The following RASAL2 variants were observed in gnomAD, a reference collection of about 807,000 sequenced individuals.
The protein encoded by RASAL2 is ras GTPase-activating protein nGAP.
A neutral mutation model predicts 128.9 loss-of-function variants in RASAL2; 58 were observed. The observed-to-expected ratio is 0.45, with a 90% confidence interval of 0.36 to 0.56. The LOEUF is 0.56. Ranked by LOEUF, RASAL2 falls within the 20% of genes least tolerant of loss-of-function variation. RASAL2 has a pLI of 0.00. For synonymous variants in RASAL2, 561 were observed against 580.8 expected (o/e 0.97, Z 0.49); for missense variants, 1,360 against 1,601.6 (o/e 0.85, Z 2.57).
chr1:178,397,487 A>G (rs1201992887), intron 4 of RASAL2, among the ~76,000 whole-genome samples: 1 of 152,242 alleles, frequency 6.6e-6, no homozygotes, highest in Non-Finnish European at 1.5e-5. Context: ...AGAAATGGGA[A>G]GTGACTGCTA....
In RASAL2 at chr1:178,349,883, T is replaced by C. The variant is rs529793549; in HGVS notation, c.458-40217T>C. On this transcript the variant is annotated intron_variant, in intron 3 of 17. Coordinates refer to ENST00000367649, the MANE Select transcript of RASAL2 (RefSeq NM_170692.4). The stretch of plus-strand genomic sequence containing the variant: ...CATTGTGAAATGTGAAAATATCCAA[T>C]ACAACAAATGGAAGACGCCTAATAA... Among the ~76,000 whole-genome samples, 6 of 152,290 alleles carry C rather than the reference T, an allele frequency of 3.9e-5. No homozygotes were observed. In the East Asian group the frequency reaches 9.6e-4, roughly 24 times the overall value.
At chr1:178,209,769 AATAT>A (rs1342178748) in intron 1 of RASAL2, among the ~76,000 whole-genome samples, 1 of 151,994 alleles carries the variant, frequency 6.6e-6, no homozygotes, top group African/African-American at 2.4e-5. Flanking sequence ...TTATCTGATT[AATAT>A]ATACAGATCA....
intron 1 of RASAL2, among the ~76,000 whole-genome samples, chr1:178,177,063 T>C (rs753044732): frequency 1.8e-4 from 27 of 152,222 alleles, no homozygotes; most frequent in African/African-American, 3.4e-4. Context: ...ATATTTTCTT[T>C]AGTTGTTTAA....
chr1:178,299,530 G>A (rs1460729517), intron 2 of RASAL2, among the ~76,000 whole-genome samples: 1 of 151,656 alleles, frequency 6.6e-6, no homozygotes, highest in East Asian at 1.9e-4. Context: ...ATGGAGTCTT[G>A]CTGTGTCACC....
intron 1 of RASAL2, among the ~76,000 whole-genome samples, chr1:178,259,338 A>C (rs1428428794): frequency 2.6e-5 from 4 of 151,640 alleles, no homozygotes; most frequent in African/African-American, 4.8e-5. Flanking sequence ...TCACCGTGTT[A>C]GCCAGGATGG....
chr1:178,385,911 C>A (rs1672540384), intron 3 of RASAL2, among the ~76,000 whole-genome samples: 1 of 152,202 alleles, frequency 6.6e-6, no homozygotes, highest in African/African-American at 2.4e-5. Context: ...TCACACCTCA[C>A]CTTTGCAGTG....
chr1:178,160,844 T>C (rs1661263220), intron 1 of RASAL2, among the ~76,000 whole-genome samples: 1 of 152,192 alleles, frequency 6.6e-6, no homozygotes, highest in Non-Finnish European at 1.5e-5. Flanking sequence ...GGCTTCTTTT[T>C]AAGAGAGCGT....
At chr1:178,450,324 A>C (rs1054752392) in intron 9 of RASAL2, among the ~76,000 whole-genome samples, 1 of 152,146 alleles carries the variant, frequency 6.6e-6, no homozygotes, top group African/African-American at 2.4e-5. Flanking sequence ...GCTGAAACTC[A>C]GACGAATTAA....
intron 1 of RASAL2, among the ~76,000 whole-genome samples, chr1:178,263,518 G>A (rs1283200971): frequency 6.6e-6 from 1 of 152,146 alleles, no homozygotes; most frequent in Non-Finnish European, 1.5e-5. Flanking sequence ...TGACCTTCAT[G>A]CTTCTCAAGA....
chr1:178,353,644 C>T (rs1670640552), intron 3 of RASAL2, among the ~76,000 whole-genome samples: 1 of 152,190 alleles, frequency 6.6e-6, no homozygotes, highest in Non-Finnish European at 1.5e-5. Context: ...TTTAAGGTAT[C>T]TTTATAGCAG....
At chr1:178,257,711 G>A (rs113823417) in intron 1 of RASAL2, among the ~76,000 whole-genome samples, 2,193 of 151,892 alleles carry the variant, frequency 0.014, 58 homozygotes, top group African/African-American at 0.049. Context: ...GCTTGGTGGC[G>A]TGTGCTTGTA....
chr1:178,473,485 C>T lies in RASAL2; in HGVS notation c.*246C>T. On this transcript the variant is annotated 3_prime_UTR_variant, in exon 18 of 18. Transcript: ENST00000367649. Reference sequence around the variant, plus strand: ...GTTCTGGGCCATGTACAGAAAATATCACTGTAATATACCAAAAGGAAGTTA... The same window carrying T: ...GTTCTGGGCCATGTACAGAAAATATTACTGTAATATACCAAAAGGAAGTTA... The T allele has an allele frequency of 1.9e-6, 1 of 539,398 alleles. No homozygotes were observed. The highest frequency in any genetic ancestry group is 3.3e-6 in the Non-Finnish European group (1 of 305,214). The allele number at this position is 539,398 out of a possible 1,614,324, so 33.4% of individuals were successfully genotyped here.
At chr1:178,202,043 T>C (rs1662890764) in intron 1 of RASAL2, among the ~76,000 whole-genome samples, 1 of 152,098 alleles carries the variant, frequency 6.6e-6, no homozygotes, top group African/African-American at 2.4e-5. Context: ...AGGGAAATGA[T>C]CAGACATTTC....
At chr1:178,318,456 G>T (rs903029713) in intron 3 of RASAL2, among the ~76,000 whole-genome samples, 1 of 152,062 alleles carries the variant, frequency 6.6e-6, no homozygotes, top group Admixed American at 6.5e-5. Context: ...CTCAGGACTT[G>T]CTTTATGAAT....
At chr1:178,267,862 T>C (rs1666046691) in intron 1 of RASAL2, among the ~76,000 whole-genome samples, 1 of 152,178 alleles carries the variant, frequency 6.6e-6, no homozygotes, top group African/African-American at 2.4e-5. Flanking sequence ...GCCTATTTCC[T>C]GAATAGCTAT....
intron 3 of RASAL2, 136 bp from the exon 4 acceptor site, chr1:178,389,964 A>G (rs1672796870): frequency 1.8e-6 from 1 of 567,848 alleles, no homozygotes; most frequent in African/African-American, 1.9e-5. Context: ...AAAGATAGAT[A>G]AATTATGTGA....
chr1:178,332,768 C>T (rs145019086), intron 3 of RASAL2, among the ~76,000 whole-genome samples: 3,518 of 151,170 alleles, frequency 0.023, 65 homozygotes, highest in Middle Eastern at 0.062. Context: ...CCCGCCACCA[C>T]GCCCAGCTAA....
intron 5 of RASAL2, among the ~76,000 whole-genome samples, chr1:178,421,080 G>C (rs1040250618): frequency 1.3e-5 from 2 of 152,128 alleles, no homozygotes; most frequent in African/African-American, 4.8e-5. Flanking sequence ...GAAGTACAGA[G>C]AGGTTAAATA....
intron 1 of RASAL2, among the ~76,000 whole-genome samples, chr1:178,102,718 G>A (rs1481695857): frequency 6.6e-6 from 1 of 151,814 alleles, no homozygotes; most frequent in African/African-American, 2.4e-5. Flanking sequence ...TAAAAAATAG[G>A]TAATATATTC....
Sources: gnomAD v4.1 joint callset for allele counts (sites outside exome capture counted in the v4.1 genomes callset) on GRCh38, gnomAD v4.1.1 for gene constraint, MANE v1.5 for transcripts, NCBI Gene and HGNC (gene_info 2026-07-23, HGNC 2026-07-21) for gene names.